UNC13C: variants seen among roughly 807,000 people sequenced by gnomAD.
UNC13C encodes the protein protein unc-13 homolog C.
In UNC13C, 174 loss-of-function variants were observed where a neutral mutation model predicts 245.4. That is an observed-to-expected ratio of 0.71 (90% CI 0.63 to 0.80). UNC13C has a LOEUF of 0.80. Among genes scored for constraint, UNC13C ranks in the 30% least tolerant of loss-of-function variants. UNC13C has a pLI of 0.00. For missense variants in UNC13C, 2,829 were observed against 2,602.9 expected, an observed-to-expected ratio of 1.09 and a Z score of -1.89; for synonymous variants, 992 against 895.1, an observed-to-expected ratio of 1.11 and a Z score of -1.93.
chr15:54,511,020 T>C (rs902678520), intron 23 of UNC13C, among the ~76,000 whole-genome samples: 1 of 152,266 alleles, frequency 6.6e-6, no homozygotes, highest in African/African-American at 2.4e-5. Context: ...TTTCTAAGCA[T>C]GTATTATATG....
intron 18 of UNC13C, among the ~76,000 whole-genome samples, chr15:54,401,844 C>T (rs1317963515): frequency 2.0e-5 from 3 of 152,074 alleles, no homozygotes; most frequent in Non-Finnish European, 2.9e-5. Context: ...CTCCAGTAGA[C>T]AGAGTTCAGC....
intron 17 of UNC13C, among the ~76,000 whole-genome samples, chr15:54,345,523 A>C (rs2038839756): frequency 6.6e-6 from 1 of 152,196 alleles, no homozygotes; most frequent in Admixed American, 6.5e-5. Context: ...CATATTGCAG[A>C]TGGCATAGCT....
intron 17 of UNC13C, among the ~76,000 whole-genome samples, chr15:54,373,099 G>C: frequency 6.6e-6 from 1 of 152,160 alleles, no homozygotes; most frequent in Middle Eastern, 3.2e-3. Context: ...CTGAACTTTA[G>C]TATGACAGCA....
At chr15:54,567,084 T>G (rs1333975621) in intron 29 of UNC13C, among the ~76,000 whole-genome samples, 1 of 152,134 alleles carries the variant, frequency 6.6e-6, no homozygotes, top group Non-Finnish European at 1.5e-5. Context: ...TGTCTGTCTG[T>G]GCATAACACT....
At chr15:54,142,695 A>G (rs1448881884) in intron 2 of UNC13C, among the ~76,000 whole-genome samples, 3 of 152,152 alleles carry the variant, frequency 2.0e-5, no homozygotes, top group Non-Finnish European at 2.9e-5. Context: ...AGCTTATCCA[A>G]TGTGTCTAGT....
At chr15:53,974,649 C>T (rs1469205073), upstream of UNC13C, among the ~76,000 whole-genome samples, 1 of 152,108 alleles carries the variant, frequency 6.6e-6, no homozygotes, top group Non-Finnish European at 1.5e-5. Flanking sequence ...TTTGTTGAGC[C>T]TAAAATTTTA....
intron 14 of UNC13C, among the ~76,000 whole-genome samples, chr15:54,331,066 G>A (rs1244615272): frequency 6.6e-6 from 1 of 151,926 alleles, no homozygotes; most frequent in Non-Finnish European, 1.5e-5. Context: ...TGACTTCGAG[G>A]CATAAGAGTT....
intron 1 of UNC13C, among the ~76,000 whole-genome samples, chr15:53,991,577 C>G (rs576472617): frequency 6.6e-6 from 1 of 152,072 alleles, no homozygotes; most frequent in East Asian, 1.9e-4. Context: ...AGGCTGTCCT[C>G]AACCTTCTAA....
At chr15:53,962,236 A>G in the UNC13C span, among the ~76,000 whole-genome samples, 1 of 152,146 alleles carries the variant, frequency 6.6e-6, no homozygotes, top group African/African-American at 2.4e-5. Flanking sequence ...GGCTTACAGA[A>G]TATCATTTTT....
chr15:54,160,343 C>G (rs1247530032), intron 4 of UNC13C, among the ~76,000 whole-genome samples: 1 of 149,906 alleles, frequency 6.7e-6, no homozygotes, highest in Non-Finnish European at 1.5e-5. Flanking sequence ...GAAGCCTAGA[C>G]TGAATGATTA....
intron 30 of UNC13C, among the ~76,000 whole-genome samples, chr15:54,608,046 C>G (rs1899866673): frequency 1.3e-5 from 2 of 152,020 alleles, no homozygotes; most frequent in South Asian, 4.1e-4. Flanking sequence ...CTCCACTAAA[C>G]AGATGAAGTT....
At position 53,978,823 on chromosome 15, in the gene UNC13C, A is replaced by C. The variant is rs994727363; in HGVS notation, c.-361A>C. On this transcript the variant is annotated 5_prime_UTR_variant, in exon 1 of 33. Transcript: ENST00000260323. ...GAAAAAAGGAAACGAGACTAGAAACACAATTGCAAGTGGTGTTCCTAAAAG... is the reference window on the plus strand; with the variant it reads ...GAAAAAAGGAAACGAGACTAGAAACCCAATTGCAAGTGGTGTTCCTAAAAG... Among the ~76,000 whole-genome samples, 1 of 152,248 alleles carries C rather than the reference A, an allele frequency of 6.6e-6. No homozygotes were observed. The highest frequency in any genetic ancestry group is 1.5e-5 in the Non-Finnish European group (1 of 68,026).
At chr15:53,892,370 G>A in the UNC13C span, among the ~76,000 whole-genome samples, 2 of 152,016 alleles carry the variant, frequency 1.3e-5, no homozygotes, top group African/African-American at 2.4e-5. Flanking sequence ...TGCTCTTCTC[G>A]AGGAGTATCT....
At position 54,057,893 on chromosome 15, in the gene UNC13C, A is replaced by C. The variant is rs188291265; in HGVS notation, c.2983+42007A>C. Among the ~76,000 whole-genome samples, 24 of 152,326 alleles carry C rather than the reference A, an allele frequency of 1.6e-4. No homozygotes were observed. The East Asian group carries it at 4.6e-3, about 29-fold the overall frequency. ...ACATAACGAAACGAAGGCAGAAATA[A>C]AGATGTTCTTTGAAACCAACAAGAA... On this transcript the variant is annotated intron_variant, in intron 2 of 32. Coordinates refer to ENST00000260323, the MANE Select transcript of UNC13C (RefSeq NM_001080534.3).
intron 17 of UNC13C, among the ~76,000 whole-genome samples, chr15:54,366,503 G>A (rs934705331): frequency 1.2e-4 from 18 of 151,998 alleles, no homozygotes; most frequent in Non-Finnish European, 8.8e-5. Context: ...TACATCCATC[G>A]ATATGTAGTA....
intron 19 of UNC13C, among the ~76,000 whole-genome samples, chr15:54,468,808 A>G (rs2141038979): frequency 6.6e-6 from 1 of 151,662 alleles, no homozygotes; most frequent in East Asian, 1.9e-4. Flanking sequence ...TGCTTAGTAT[A>G]TCTGTTTTTA....
chr15:54,540,792 T>C (rs1475448532), intron 26 of UNC13C, among the ~76,000 whole-genome samples: 1 of 152,096 alleles, frequency 6.6e-6, no homozygotes, highest in Non-Finnish European at 1.5e-5. Flanking sequence ...TTATTCCTAT[T>C]TTTTTAGTTC....
intron 30 of UNC13C, among the ~76,000 whole-genome samples, chr15:54,589,536 A>G (rs950575560): frequency 6.6e-6 from 1 of 151,900 alleles, no homozygotes; most frequent in African/African-American, 2.4e-5. Flanking sequence ...TGACCTAGCA[A>G]TCCACCTGCC....
At chr15:54,381,871 A>G (rs1283690649) in intron 17 of UNC13C, among the ~76,000 whole-genome samples, 2 of 152,202 alleles carry the variant, frequency 1.3e-5, no homozygotes, top group East Asian at 1.9e-4. Flanking sequence ...CAACAGAGAC[A>G]TTGGACTTAA....
Sources: gnomAD v4.1 joint callset for allele counts (sites outside exome capture counted in the v4.1 genomes callset) on GRCh38, gnomAD v4.1.1 for gene constraint, MANE v1.5 for transcripts, NCBI Gene and HGNC (gene_info 2026-07-23, HGNC 2026-07-21) for gene names.